The following IMPG1 variants were observed in gnomAD, a reference collection of about 807,000 sequenced individuals.
The protein encoded by IMPG1 is interphotoreceptor matrix proteoglycan 1.
A neutral mutation model predicts 92.0 loss-of-function variants in IMPG1; 85 were observed. That is an observed-to-expected ratio of 0.92 (90% CI 0.78 to 1.11). The LOEUF is 1.11. Among genes scored for constraint, IMPG1 ranks in the 50% least tolerant of loss-of-function variants. The pLI is 0.00. For synonymous variants in IMPG1, 367 were observed against 334.1 expected (o/e 1.10, Z -1.08); for missense variants, 1,022 against 956.0 (o/e 1.07, Z -0.91).
At chr6:76,026,047 C>T (rs1282441464) in intron 4 of IMPG1, among the ~76,000 whole-genome samples, 3 of 152,088 alleles carry the variant, frequency 2.0e-5, no homozygotes, top group Admixed American at 1.3e-4. Flanking sequence ...GGAGCCTGGC[C>T]CCTCCTCTTC....
intron 12 of IMPG1, among the ~76,000 whole-genome samples, chr6:75,962,878 T>G (rs1393763114): frequency 6.6e-6 from 1 of 151,720 alleles, no homozygotes; most frequent in Non-Finnish European, 1.5e-5. Flanking sequence ...CCAACTCTAC[T>G]AAAAATACAA....
intron 12 of IMPG1, among the ~76,000 whole-genome samples, chr6:75,959,398 A>G (rs1782178516): frequency 6.6e-6 from 1 of 152,194 alleles, no homozygotes; most frequent in South Asian, 2.1e-4. Context: ...CAAGTGCTGT[A>G]CTGGGAGATC....
intron 5 of IMPG1, among the ~76,000 whole-genome samples, chr6:76,024,397 T>TAGA (rs60954018): frequency 0.62 from 94,025 of 151,328 alleles, 29,459 homozygotes; most frequent in South Asian, 0.67. Flanking sequence ...AAAGTATTCT[T>TAGA]TTATGTGAAA....
Position 76,041,946 on chromosome 6 carries a change from T to C in IMPG1, c.248A>G (p.Gln83Arg). The change falls in exon 2 of 17, where the codon CAG becomes CGG. Residue 83 changes from glutamine (Q) to arginine (R), a missense_variant. Coordinates refer to ENST00000369950, the MANE Select transcript of IMPG1 (RefSeq NM_001563.4). ...GTCTAAAATCTGTTTCATGGATTCC[T>C]GTGGACAGACTTTAACCCCCGTTGG... ...FFPTGVKVCP[Q>R]ESMKQILDSL... 1 of 1,613,996 alleles carries C rather than the reference T, an allele frequency of 6.2e-7. No homozygotes were observed. The highest frequency in any genetic ancestry group is 1.1e-5 in the South Asian group (1 of 91,076).
intron 7 of IMPG1, among the ~76,000 whole-genome samples, chr6:76,015,574 G>C (rs1783270174): frequency 6.6e-6 from 1 of 151,944 alleles, no homozygotes; most frequent in South Asian, 2.1e-4. Context: ...TCCGAGGAGG[G>C]TGGATCACCT....
At chr6:75,990,267 G>T (rs1018991529) in intron 12 of IMPG1, among the ~76,000 whole-genome samples, 2 of 152,058 alleles carry the variant, frequency 1.3e-5, no homozygotes, top group African/African-American at 4.8e-5. Context: ...ACATTATTTG[G>T]CAAGGATTTT....
intron 12 of IMPG1, among the ~76,000 whole-genome samples, chr6:75,998,869 C>G (rs911212330): frequency 6.6e-6 from 1 of 152,054 alleles, no homozygotes; most frequent in Admixed American, 6.5e-5. Context: ...TAGGAGTGAT[C>G]TTTTTGAGAT....
At chr6:76,064,067 A>C (rs763339710) in intron 1 of IMPG1, among the ~76,000 whole-genome samples, 6 of 152,000 alleles carry the variant, frequency 3.9e-5, no homozygotes, top group Non-Finnish European at 7.4e-5. Flanking sequence ...TACCCCACCC[A>C]CTGTTGTGGA....
chr6:76,011,344 A>C, intron 7 of IMPG1, 120 bp from the exon 8 acceptor site: 1 of 488,322 alleles, frequency 2.0e-6, no homozygotes, highest in Non-Finnish European at 3.7e-6. Flanking sequence ...GAAAATGATT[A>C]TTTTTTCTTT....
In IMPG1 at chr6:76,018,939, C is replaced by T. The variant is rs1162570803; in HGVS notation, c.667-81G>A. On this transcript the variant is annotated intron_variant, in intron 6 of 16. Transcript: ENST00000369950. ...TTATTTTAGATAATATATGTTGATA[C>T]TGTCTCAAGAAGTGGATTATGAAGG... The T allele has an allele frequency of 2.3e-6, 3 of 1,312,312 alleles. No homozygotes were observed. The South Asian group carries it at 4.6e-5, about 20-fold the overall frequency. The allele number at this position is 1,312,312 out of a possible 1,614,324, so 81.3% of individuals were successfully genotyped here. A position where few individuals can be genotyped will look rare whatever the true frequency, so the allele number is the denominator to read the frequency against.
At chr6:75,995,282 C>T (rs1391071953) in intron 12 of IMPG1, among the ~76,000 whole-genome samples, 2 of 152,190 alleles carry the variant, frequency 1.3e-5, no homozygotes, top group African/African-American at 4.8e-5. Flanking sequence ...CAGTTCTCCA[C>T]AATATAGTCA....
chr6:76,053,000 C>T (rs560398306), intron 1 of IMPG1, among the ~76,000 whole-genome samples: 8 of 152,262 alleles, frequency 5.3e-5, no homozygotes, highest in Admixed American at 2.0e-4. Context: ...CCATACCCCT[C>T]CATCATCCTG....
intron 12 of IMPG1, among the ~76,000 whole-genome samples, chr6:75,985,964 G>A (rs1218197174): frequency 6.6e-6 from 1 of 152,158 alleles, no homozygotes; most frequent in Non-Finnish European, 1.5e-5. Context: ...CCCACCTGAA[G>A]AGGGATGAAA....
chr6:75,985,712 A>G (rs968755090), intron 12 of IMPG1, among the ~76,000 whole-genome samples: 6 of 152,124 alleles, frequency 3.9e-5, no homozygotes, highest in African/African-American at 1.4e-4. Context: ...AAGCTTGGAG[A>G]GCAGTTCCTT....
In IMPG1 at chr6:75,991,233, T is replaced by C. The variant is rs148540464; in HGVS notation, c.1291+11685A>G. 9.3e-3 allele frequency among the ~76,000 whole-genome samples: 1,414 copies of C among 152,068 alleles called. 15 individuals carry two copies. Among genetic ancestry groups the C allele is most frequent in the African/African-American group, 0.032 (1,334 of 41,478 alleles). On this transcript the variant is annotated intron_variant, in intron 12 of 16. Transcript: ENST00000369950. ...AGTGAAACCCCATCTCTACTAGAAATACAAAAATTTAGTTGGGCATGGTGG... is the reference window on the plus strand; with the variant it reads ...AGTGAAACCCCATCTCTACTAGAAACACAAAAATTTAGTTGGGCATGGTGG...
intron 4 of IMPG1, among the ~76,000 whole-genome samples, chr6:76,030,641 C>T (rs961288467): frequency 1.3e-5 from 2 of 152,198 alleles, no homozygotes; most frequent in East Asian, 3.9e-4. Flanking sequence ...GCAAAAAGGG[C>T]CATCAGACTC....
intron 10 of IMPG1, among the ~76,000 whole-genome samples, chr6:76,004,835 G>A (rs568806177): frequency 6.6e-6 from 1 of 152,262 alleles, no homozygotes; most frequent in East Asian, 1.9e-4. Flanking sequence ...TAGCCTCAGG[G>A]AACTCTCCTA....
intron 4 of IMPG1, among the ~76,000 whole-genome samples, chr6:76,025,963 G>T (rs768423356): frequency 4.4e-4 from 67 of 152,176 alleles, no homozygotes; most frequent in Non-Finnish European, 9.0e-4. Flanking sequence ...GTGGGAGGAG[G>T]TCCCCCCAAA....
chr6:76,055,848 T>A (rs1442638666), intron 1 of IMPG1, among the ~76,000 whole-genome samples: 1 of 152,036 alleles, frequency 6.6e-6, no homozygotes, highest in Admixed American at 6.6e-5. Flanking sequence ...TAGAAACGTG[T>A]AACTTACTAT....
Sources: gnomAD v4.1 joint callset for allele counts (sites outside exome capture counted in the v4.1 genomes callset) on GRCh38, gnomAD v4.1.1 for gene constraint, MANE v1.5 for transcripts, NCBI Gene and HGNC (gene_info 2026-07-23, HGNC 2026-07-21) for gene names.